The following ANK2 variants were observed in gnomAD, a reference collection of about 807,000 sequenced individuals.
ANK2 encodes the protein ankyrin 2.
Under a neutral mutation model 360.5 loss-of-function variants are expected in ANK2, and 83 were observed. The ratio of observed to expected loss-of-function variants is 0.23; its 90% CI spans 0.19 to 0.28. The LOEUF is 0.28. ANK2 is among the 10% of genes least tolerant of loss of function. The probability of loss-of-function intolerance (pLI) is 1.00; values close to 1 mark genes in which losing one functional copy is unlikely to be tolerated. For missense variants in ANK2, 4,201 were observed against 4,795.7 expected (o/e 0.88, Z 3.66); for synonymous variants, 1,740 against 1,759.5 (o/e 0.99, Z 0.28).
the ANK2 span, among the ~76,000 whole-genome samples, chr4:112,729,689 A>C: frequency 1.3e-5 from 2 of 151,586 alleles, no homozygotes; most frequent in African/African-American, 2.4e-5. Context: ...CGGAGGTTGC[A>C]GGCAGCCAAG....
intron 1 of ANK2, among the ~76,000 whole-genome samples, chr4:113,096,971 A>G (rs902498379): frequency 6.6e-6 from 1 of 151,488 alleles, no homozygotes; most frequent in Non-Finnish European, 1.5e-5. Flanking sequence ...GGCAAAAGCA[A>G]TATTAATTGC....
intron 1 of ANK2, among the ~76,000 whole-genome samples, chr4:112,902,196 T>C (rs1188694734): frequency 2.0e-5 from 3 of 152,230 alleles, no homozygotes; most frequent in Non-Finnish European, 4.4e-5. Context: ...TCAAAGGCTC[T>C]ACAGATCATC....
intron 1 of ANK2, among the ~76,000 whole-genome samples, chr4:112,878,732 C>G (rs1343301269): frequency 6.6e-6 from 1 of 152,034 alleles, no homozygotes; most frequent in East Asian, 1.9e-4. Flanking sequence ...CTCTCGTGTT[C>G]ACGCCATTTT....
intron 1 of ANK2, among the ~76,000 whole-genome samples, chr4:113,096,933 G>T: frequency 6.6e-6 from 1 of 151,142 alleles, no homozygotes; most frequent in South Asian, 2.1e-4. Flanking sequence ...ATTATACTTT[G>T]CTTCATTGTA....
chr4:112,745,531 CTTTT>C, the ANK2 span, among the ~76,000 whole-genome samples: 2 of 123,144 alleles, frequency 1.6e-5, no homozygotes. Context: ...AGTACTAGAT[CTTTT>C]TTTTTTTTTT....
intron 35 of ANK2, 121 bp downstream of exon 35, chr4:113,346,143 A>C: frequency 9.0e-7 from 1 of 1,110,514 alleles, no homozygotes; most frequent in South Asian, 1.3e-5. Context: ...GACCTAATAA[A>C]ATGAATACCA....
intron 43 of ANK2, among the ~76,000 whole-genome samples, chr4:113,372,047 G>T (rs1397704837): frequency 6.6e-6 from 1 of 152,082 alleles, no homozygotes; most frequent in Non-Finnish European, 1.5e-5. Context: ...ATGCACTATT[G>T]GTTAGATAAT....
At chr4:113,000,321 GA>G (rs2050163878) in intron 2 of ANK2, among the ~76,000 whole-genome samples, 1 of 152,198 alleles carries the variant, frequency 6.6e-6, no homozygotes, top group Non-Finnish European at 1.5e-5. Flanking sequence ...CTTCATTCAC[GA>G]AGGGAAATTT....
rs1305872227 is a variant in ANK2, at chr4:113,203,970, TA to T, written c.384+4862del. Among the ~76,000 whole-genome samples the T allele has an allele frequency of 3.3e-5, 5 of 152,328 alleles. No homozygotes were observed. The East Asian group carries it at 9.7e-4, about 29-fold the overall frequency. Reference sequence around the variant, plus strand: ...GTTTAAGATGGAATTTCTCACTTAATATTTTTTATGAACTATAAATGTCCTG... The same window carrying T: ...GTTTAAGATGGAATTTCTCACTTAATTTTTTTATGAACTATAAATGTCCTG... On this transcript the variant is annotated intron_variant, in intron 4 of 45. Coordinates refer to ENST00000357077, the MANE Select transcript of ANK2 (RefSeq NM_001148.6).
intron 1 of ANK2, among the ~76,000 whole-genome samples, chr4:112,903,184 G>A (rs533389919): frequency 2.2e-4 from 33 of 152,184 alleles, no homozygotes; most frequent in Non-Finnish European, 4.1e-4. Context: ...GGAAGGTGGA[G>A]GGGAGCCCAA....
At chr4:112,996,348 G>C (rs116190679) in intron 2 of ANK2, among the ~76,000 whole-genome samples, 1,946 of 152,196 alleles carry the variant, frequency 0.013, 38 homozygotes, top group African/African-American at 0.043. Context: ...CTTAACTGTG[G>C]TGATGGCTAA....
chr4:113,263,187 GAAAAAAAAAAAAA>G (rs762758720), intron 13 of ANK2, among the ~76,000 whole-genome samples: 1 of 63,626 alleles, frequency 1.6e-5, no homozygotes, highest in Non-Finnish European at 3.1e-5. Flanking sequence ...GACTCTGTCT[GAAAAAAAAAAAAA>G]AAAAAAAAGA....
chr4:113,132,681 G>A (rs1018839608), intron 1 of ANK2, among the ~76,000 whole-genome samples: 1 of 152,012 alleles, frequency 6.6e-6, no homozygotes, highest in African/African-American at 2.4e-5. Flanking sequence ...GATCATACTG[G>A]GTCCTACAGG....
At chr4:112,868,993 C>A (rs1164312906) in intron 1 of ANK2, among the ~76,000 whole-genome samples, 1 of 152,058 alleles carries the variant, frequency 6.6e-6, no homozygotes, top group Non-Finnish European at 1.5e-5. Flanking sequence ...CAGGGTCTCA[C>A]TCTGTCACCT....
chr4:113,171,407 T>C (rs1236974149), intron 1 of ANK2, among the ~76,000 whole-genome samples: 2 of 152,224 alleles, frequency 1.3e-5, no homozygotes, highest in Non-Finnish European at 2.9e-5. Context: ...GGTATATAAA[T>C]TTGGGCTTCA....
chr4:112,791,642 C>A, the ANK2 span, among the ~76,000 whole-genome samples: 1 of 121,742 alleles, frequency 8.2e-6, no homozygotes, highest in Admixed American at 8.8e-5. Flanking sequence ...GCACCCGCCA[C>A]CACGCCCAGT....
At chr4:112,848,643 A>G (rs1481302948) in intron 1 of ANK2, among the ~76,000 whole-genome samples, 3 of 152,162 alleles carry the variant, frequency 2.0e-5, no homozygotes, top group Non-Finnish European at 2.9e-5. Context: ...TGCTTCTGTT[A>G]TATAAGTTTT....
At chr4:113,322,032 A>G (rs1201846240) in intron 26 of ANK2, among the ~76,000 whole-genome samples, 2 of 152,186 alleles carry the variant, frequency 1.3e-5, no homozygotes, top group Non-Finnish European at 2.9e-5. Context: ...GTGCCCAGCC[A>G]AAAAACAGAT....
intron 1 of ANK2, among the ~76,000 whole-genome samples, chr4:112,831,275 C>A (rs1182062709): frequency 6.6e-6 from 1 of 152,182 alleles, no homozygotes; most frequent in Non-Finnish European, 1.5e-5. Context: ...GCTCCTGAGT[C>A]GGGTGGGGAC....
Sources: allele counts gnomAD v4.1 joint callset (sites outside exome capture counted in the v4.1 genomes callset), GRCh38; gene constraint gnomAD v4.1.1; transcripts MANE v1.5; gene names NCBI Gene and HGNC (gene_info 2026-07-23, HGNC 2026-07-21).